Variants in ZNF268 observed in about 807,000 individuals in gnomAD.
ZNF268 encodes the protein zinc finger protein 268.
In ZNF268, 20 loss-of-function variants were observed where a neutral mutation model predicts 29.3. The ratio of observed to expected loss-of-function variants is 0.68; its 90% CI spans 0.48 to 0.99. The LOEUF (loss-of-function observed/expected upper bound fraction) is 0.99. ZNF268 is among the 50% of genes least tolerant of loss of function. The probability of loss-of-function intolerance (pLI) is 0.00; values close to 1 mark genes in which losing one functional copy is unlikely to be tolerated. For missense variants in ZNF268, 1,240 were observed against 1,121.6 expected (o/e 1.11, Z -1.51); for synonymous variants, 429 against 376.9 (o/e 1.14, Z -1.60).
intron 5 of ZNF268, among the ~76,000 whole-genome samples, chr12:133,196,507 G>A (rs536676248): frequency 2.6e-5 from 4 of 152,156 alleles, no homozygotes; most frequent in Admixed American, 6.5e-5. Context: ...TACAGGAACC[G>A]AGCAAAGATA....
At position 133,204,649 on chromosome 12, in the gene ZNF268, C is replaced by T. The variant is rs1956853828; in HGVS notation, c.*119C>T. The stretch of plus-strand genomic sequence containing the variant: ...CCAGAAAACTCATACTGAATAGAAA[C>T]TTTATGAATGCACAGCATATGGAAA... On this transcript the variant is annotated 3_prime_UTR_variant, in exon 6 of 6. Transcript: ENST00000536435. The T allele has an allele frequency of 1.4e-6, 1 of 712,738 alleles. No homozygotes were observed. Among genetic ancestry groups the T allele is most frequent in the Non-Finnish European group, 2.2e-6 (1 of 458,192 alleles). The allele number at this position is 712,738 out of a possible 1,614,324, so 44.2% of individuals were successfully genotyped here.
Position 133,181,942 on chromosome 12 carries a change from C to T in ZNF268, c.-52-4C>T, listed in dbSNP as rs1215967116. The T allele has an allele frequency of 1.3e-6, 2 of 1,546,802 alleles. No homozygotes were observed. Among genetic ancestry groups the T allele is most frequent in the Non-Finnish European group, 8.8e-7 (1 of 1,142,268 alleles). On this transcript the variant is annotated splice_region_variant and splice_polypyrimidine_tract_variant and intron_variant, in intron 1 of 5. Transcript: ENST00000536435. ...CTCTTTCTTCACTGTGCTCTCTCTT[C>T]TAGCATCCCTCGCGTCCTGTCACTT...
chr12:133,210,057 AAT>A lies in ZNF268; in HGVS notation c.*5529_*5530del, dbSNP rs888660707. 5 of 152,238 alleles carry A rather than the reference AAT, an allele frequency of 3.3e-5. No individual in the cohort carries two copies. The highest frequency in any genetic ancestry group is 9.6e-5 in the African/African-American group (4 of 41,464). 9.4% of individuals were successfully genotyped at this position (152,238 alleles called of 1,614,324 possible). A position where few individuals can be genotyped will look rare whatever the true frequency, so the allele number is the denominator to read the frequency against. The stretch of plus-strand genomic sequence containing the variant: ...CCTCAATAGAGGTACGATTTCCTAA[AAT>A]AAATCTTGTTCAGATATTACAGGGC... On this transcript the variant is annotated 3_prime_UTR_variant, in exon 6 of 6. Coordinates refer to ENST00000536435, the MANE Select transcript of ZNF268 (RefSeq NM_003415.3).
intron 2 of ZNF268, among the ~76,000 whole-genome samples, chr12:133,185,641 T>C (rs1956294235): frequency 6.6e-6 from 1 of 151,812 alleles, no homozygotes; most frequent in Non-Finnish European, 1.5e-5. Flanking sequence ...TGTGTGGCGC[T>C]AAGACAGGGA....
At position 133,202,305 on chromosome 12, in the gene ZNF268, G is replaced by A. The variant is rs1385920208; in HGVS notation, c.619G>A (p.Gly207Arg). The A allele has an allele frequency of 1.2e-6, 2 of 1,612,352 alleles. No homozygotes were observed. Among genetic ancestry groups the A allele is most frequent in the South Asian group, 1.1e-5 (1 of 90,908 alleles). Reference sequence around the variant, plus strand: ...AAAACCTCATAAATGTGGCACGCATGGAAAGAGTTTGAAATATATAGATTT... The same window carrying A: ...AAAACCTCATAAATGTGGCACGCATAGAAAGAGTTTGAAATATATAGATTT... Reference protein sequence around the residue: ...RQKPHKCGTHGKSLKYIDFTS... With the variant: ...RQKPHKCGTHRKSLKYIDFTS... Residue 207 changes from glycine (G) to arginine (R), a missense_variant, in exon 6 of 6, where the codon GGA becomes AGA. By Grantham distance (125) the Gly-to-Arg change is moderately radical. Coordinates refer to ENST00000536435, the MANE Select transcript of ZNF268 (RefSeq NM_003415.3).
Position 133,204,088 on chromosome 12 carries a change from C to T in ZNF268, c.2402C>T (p.Thr801Ile), listed in dbSNP as rs1272959963. 1.3e-6 allele frequency: 2 copies of T among 1,549,824 alleles called. No homozygotes were observed. The highest frequency in any genetic ancestry group is 2.4e-5 in the East Asian group (1 of 41,264). The change falls in exon 6 of 6, where the codon ACT becomes ATT. Residue 801 changes from threonine to isoleucine, a missense_variant. Transcript: ENST00000536435. ...TCATACCTAATTATACACATGAGAA[C>T]TCATTCAGGTGAAAAACCATATGAA... ...SKSYLIIHMR[T>I]HSGEKPYECN...
Position 133,208,872 on chromosome 12 carries a change from T to A in ZNF268, c.*4342T>A, listed in dbSNP as rs1472677782. On this transcript the variant is annotated 3_prime_UTR_variant, in exon 6 of 6. Transcript: ENST00000536435. ...GTAGCAAGTATGCAGTTGTCAGTAT[T>A]CATGGAGGACCCCCCCGCAACCACA... 1 of 77,910 alleles carries A rather than the reference T, an allele frequency of 1.3e-5. No homozygotes were observed. The highest frequency in any genetic ancestry group is 3.0e-5 in the Non-Finnish European group (1 of 33,740). 4.8% of individuals were successfully genotyped at this position (77,910 alleles called of 1,614,324 possible). A position where few individuals can be genotyped will look rare whatever the true frequency, so the allele number is the denominator to read the frequency against.
intron 3 of ZNF268, among the ~76,000 whole-genome samples, chr12:133,188,756 T>C (rs1956387534): frequency 6.6e-6 from 1 of 152,218 alleles, no homozygotes; most frequent in Non-Finnish European, 1.5e-5. Flanking sequence ...GATTCAGTGA[T>C]TCATGCACAT....
rs199759939 is a variant in ZNF268, at chr12:133,202,383, T to G, written c.697T>G (p.Ser233Ala). Residue 233 changes from serine to alanine, a missense_variant, in exon 6 of 6, where the codon TCA becomes GCA. By Grantham distance (99) the Ser-to-Ala change is moderately conservative (BLOSUM62 1). Transcript: ENST00000536435. ...NPNGFQVHGK[S>A]FFHSKHEQTV... ...TAATGGGTTTCAGGTACATGGAAAA[T>G]CATTCTTCCATTCTAAACATGAGCA... 1.2e-6 allele frequency: 2 copies of G among 1,611,306 alleles called. No individual in the cohort carries two copies. Among genetic ancestry groups the G allele is most frequent in the Non-Finnish European group, 1.7e-6 (2 of 1,178,536 alleles).
chr12:133,203,513 G>T lies in ZNF268; in HGVS notation c.1827G>T (p.Glu609Asp). Residue 609 changes from glutamate to aspartate, a missense_variant, in exon 6 of 6, where the codon GAG becomes GAT. Physicochemically the swap from Glu to Asp is conservative, Grantham distance 45. Around this residue, in one of 3 missense-constraint regions of ZNF268, gnomAD observed 1,177 missense variants for 1,039.6 expected, o/e 1.13. Coordinates refer to ENST00000536435, the MANE Select transcript of ZNF268 (RefSeq NM_003415.3). ...TACACCAGAGAACTCATACAGGGGA[G>T]AAACCATTTGAATGTAGTGAGTGTC... ...LIIHQRTHTG[E>D]KPFECSECQK... 1.9e-6 allele frequency: 3 copies of T among 1,545,904 alleles called. No homozygotes were observed. The highest frequency in any genetic ancestry group is 2.6e-6 in the Non-Finnish European group (3 of 1,149,702).
Position 133,203,941 on chromosome 12 carries a change from A to G in ZNF268, c.2255A>G (p.Tyr752Cys), listed in dbSNP as rs751979244. 9 of 1,594,160 alleles carry G rather than the reference A, an allele frequency of 5.6e-6. No homozygotes were observed. Among genetic ancestry groups the G allele is most frequent in the East Asian group, 4.5e-5 (2 of 44,020 alleles). ...AGAATTCACACAGGAGAAAATCCCT[A>G]TGAATGCAGTGAATGTGGGAAAGCC... is the stretch of plus-strand genomic sequence containing the variant. ...HQRIHTGENP[Y>C]ECSECGKAFN... The change falls in exon 6 of 6, where the codon TAT becomes TGT. Residue 752 changes from tyrosine to cysteine, a missense_variant. By Grantham distance (194) the Tyr-to-Cys change is radical (BLOSUM62 -2). Transcript: ENST00000536435.
chr12:133,202,211 G>A lies in ZNF268; in HGVS notation c.525G>A (p.Thr175=), dbSNP rs375049594. The change falls in exon 6 of 6, where the codon ACG becomes ACA. Residue 175 remains threonine (T), a synonymous_variant. Transcript: ENST00000536435. ...AAAATAAAGACAAGCTGGGAAGTAC[G>A]GCAAAAAGCTTTGAATGCACTACAT... is the stretch of plus-strand genomic sequence containing the variant. ...HQENKDKLGS[T]AKSFECTTFG... The A allele has an allele frequency of 8.9e-5, 143 of 1,608,452 alleles. No individual in the cohort carries two copies. Among genetic ancestry groups the A allele is most frequent in the Non-Finnish European group, 1.1e-4 (132 of 1,177,642 alleles).
chr12:133,185,321 G>A (rs1377046065), intron 2 of ZNF268, among the ~76,000 whole-genome samples: 3 of 152,184 alleles, frequency 2.0e-5, no homozygotes, highest in African/African-American at 7.2e-5. Flanking sequence ...GCAGGTAGAA[G>A]AACATCCAGG....
At position 133,187,789 on chromosome 12, in the gene ZNF268, C is replaced by T. The variant is rs75336020; in HGVS notation, c.34-83C>T. On this transcript the variant is annotated intron_variant, in intron 2 of 5. Coordinates refer to ENST00000536435, the MANE Select transcript of ZNF268 (RefSeq NM_003415.3). ...GCCTTGTTTTCTAACGTGTTTCTCTCACATTTATGTGATGTGACCCCTATT... is the reference window on the plus strand; with the variant it reads ...GCCTTGTTTTCTAACGTGTTTCTCTTACATTTATGTGATGTGACCCCTATT... 3,219 of 1,338,384 alleles carry T rather than the reference C, an allele frequency of 2.4e-3. 65 individuals carry two copies. In the African/African-American group the frequency reaches 0.043, roughly 18 times the overall value. The allele number at this position is 1,338,384 out of a possible 1,614,324, so 82.9% of individuals were successfully genotyped here. A position where few individuals can be genotyped will look rare whatever the true frequency, so the allele number is the denominator to read the frequency against.
rs1198322737 is a variant in ZNF268, at chr12:133,206,204, A to AAGAC, written c.*1677_*1680dup. 2.0e-5 allele frequency: 3 copies of AAGAC among 152,342 alleles called. No individual in the cohort carries two copies. In the East Asian group the frequency reaches 5.8e-4, roughly 29 times the overall value. 9.4% of individuals were successfully genotyped at this position (152,342 alleles called of 1,614,324 possible). ...GGATATTTGGAAATGGTTGTTTCCCAAGACAGGATGGAAGTCTTTTAAGCA... is the reference window on the plus strand; with the variant it reads ...GGATATTTGGAAATGGTTGTTTCCCAAGACAGACAGGATGGAAGTCTTTTAAGCA... On this transcript the variant is annotated 3_prime_UTR_variant, in exon 6 of 6. Coordinates refer to ENST00000536435, the MANE Select transcript of ZNF268 (RefSeq NM_003415.3).
In ZNF268 at chr12:133,206,366, T is replaced by A. The variant is rs906028974; in HGVS notation, c.*1836T>A. The A allele has an allele frequency of 2.6e-5, 4 of 152,222 alleles. No individual in the cohort carries two copies. The highest frequency in any genetic ancestry group is 6.5e-5 in the Admixed American group (1 of 15,280). 9.4% of individuals were successfully genotyped at this position (152,222 alleles called of 1,614,324 possible). On this transcript the variant is annotated 3_prime_UTR_variant, in exon 6 of 6. Transcript: ENST00000536435. ...GGAGTGGTCAAGAGGGGAATGCTTT[T>A]GATACCCATGTATAACATGGAGAAT...
chr12:133,208,299 C>T lies in ZNF268; in HGVS notation c.*3769C>T, dbSNP rs1210286546. 6.6e-6 allele frequency: 1 copy of T among 152,258 alleles called. No homozygotes were observed. Among genetic ancestry groups the T allele is most frequent in the Non-Finnish European group, 1.5e-5 (1 of 68,114 alleles). The allele number at this position is 152,258 out of a possible 1,614,324, so 9.4% of individuals were successfully genotyped here. ...TCACTTGAGGTCAGGATTTCAAGAC[C>T]AGTGTGGCTAACATGGTGAAACCCC... On this transcript the variant is annotated 3_prime_UTR_variant, in exon 6 of 6. Transcript: ENST00000536435.
rs1253075461 is a variant in ZNF268 at position 133,206,710 on chromosome 12, T to G, written c.*2180T>G. 2.0e-5 allele frequency: 3 copies of G among 152,240 alleles called. No individual in the cohort carries two copies. The highest frequency in any genetic ancestry group is 4.4e-5 in the Non-Finnish European group (3 of 68,044). 9.4% of individuals were successfully genotyped at this position (152,240 alleles called of 1,614,324 possible). A position where few individuals can be genotyped will look rare whatever the true frequency, so the allele number is the denominator to read the frequency against. ...GCGGAGGAATTTAATGATACCTGAA[T>G]GCCTAACTGTTGTATTCTGCTTATA... On this transcript the variant is annotated 3_prime_UTR_variant, in exon 6 of 6. Coordinates refer to ENST00000536435, the MANE Select transcript of ZNF268 (RefSeq NM_003415.3).
Position 133,203,265 on chromosome 12 carries a change from C to T in ZNF268, c.1579C>T (p.Leu527Phe). 6.5e-7 allele frequency: 1 copy of T among 1,538,568 alleles called. No individual in the cohort carries two copies. Among genetic ancestry groups the T allele is most frequent in the Non-Finnish European group, 8.7e-7 (1 of 1,147,064 alleles). ...TACAAGGACTCATACAGGAGAAAAA[C>T]TCCATGAATGCAACAATTGTGGGAA... ...IHTRTHTGEK[L>F]HECNNCGKAF... The change falls in exon 6 of 6, where the codon CTC becomes TTC. Residue 527 changes from leucine (L) to phenylalanine (F), a missense_variant. Leu to Phe is a conservative substitution (Grantham distance 22, BLOSUM62 0). Around this residue, in one of 3 missense-constraint regions of ZNF268, gnomAD observed 1,177 missense variants for 1,039.6 expected, o/e 1.13. Transcript: ENST00000536435.
Sources: gnomAD v4.1 joint callset for allele counts (sites outside exome capture counted in the v4.1 genomes callset) on GRCh38, gnomAD v4.1.1 for gene constraint, gnomAD v4.1.1 regional missense constraint, MANE v1.5 for transcripts, NCBI Gene and HGNC (gene_info 2026-07-23, HGNC 2026-07-21) for gene names.